The following PRR16 variants were observed in gnomAD, a reference collection of about 807,000 sequenced individuals.
The protein encoded by PRR16 is protein Largen.
PRR16 carries 6 observed loss-of-function variants against 18.2 expected under a neutral mutation model. The ratio of observed to expected loss-of-function variants is 0.33; its 90% CI spans 0.18 to 0.65. The LOEUF (loss-of-function observed/expected upper bound fraction) is 0.65. Ranked by LOEUF, PRR16 falls within the 30% of genes least tolerant of loss-of-function variation. The pLI is 0.74. For missense variants in PRR16, 412 were observed against 376.6 expected, an observed-to-expected ratio of 1.09 and a Z score of -0.78; for synonymous variants, 151 against 147.8, an observed-to-expected ratio of 1.02 and a Z score of -0.16.
In PRR16 at chr5:120,647,779, C is replaced by T. The variant is rs1755647477; in HGVS notation, c.160-38175C>T. On this transcript the variant is annotated intron_variant, in intron 1 of 1. Transcript: ENST00000407149. Reference sequence around the variant, plus strand: ...TTTGCATAAGTATCCACATGTCAAGCCTCATCTTCATGCCATTTACTAAAG... The same window carrying T: ...TTTGCATAAGTATCCACATGTCAAGTCTCATCTTCATGCCATTTACTAAAG... Among the ~76,000 whole-genome samples the T allele has an allele frequency of 2.0e-5, 3 of 151,998 alleles. No homozygotes were observed. In the South Asian group the frequency reaches 6.2e-4, roughly 32 times the overall value.
chr5:120,746,010 C>A, the PRR16 span, among the ~76,000 whole-genome samples: 1 of 151,924 alleles, frequency 6.6e-6, no homozygotes. Flanking sequence ...CCACGTGTGG[C>A]CTTTAGCCTT....
rs560581773 is a variant in PRR16, at chr5:120,522,430, C to G, written c.159+57785C>G. Among the ~76,000 whole-genome samples the G allele has an allele frequency of 7.5e-3, 1,147 of 152,244 alleles. 11 individuals carry two copies. The highest frequency in any genetic ancestry group is 0.026 in the African/African-American group (1,086 of 41,554). On this transcript the variant is annotated intron_variant, in intron 1 of 1. Transcript: ENST00000407149. ...CATTTCTCTGATGGCCAGTGATGAT[C>G]AGCATTTTTTCATGTGTCTGTTGAC...
intron 1 of PRR16, among the ~76,000 whole-genome samples, chr5:120,466,952 G>T (rs1364453360): frequency 6.6e-6 from 1 of 151,988 alleles, no homozygotes; most frequent in Non-Finnish European, 1.5e-5. Flanking sequence ...ACCTACAATG[G>T]CCAAATCCCA....
chr5:120,780,937 C>T, the PRR16 span, among the ~76,000 whole-genome samples: 1 of 152,090 alleles, frequency 6.6e-6, no homozygotes, highest in Admixed American at 6.5e-5. Flanking sequence ...GTAATCCCAG[C>T]TACTTGGGAG....
At chr5:120,553,291 G>C (rs1752311068) in intron 1 of PRR16, among the ~76,000 whole-genome samples, 1 of 151,780 alleles carries the variant, frequency 6.6e-6, no homozygotes, top group Admixed American at 6.6e-5. Context: ...ATTTTACAAA[G>C]GGTCTCATGT....
the PRR16 span, among the ~76,000 whole-genome samples, chr5:120,695,175 ATTTAT>A: frequency 9.2e-5 from 14 of 152,130 alleles, no homozygotes; most frequent in Admixed American, 5.2e-4. Context: ...ATTTGGATTG[ATTTAT>A]TTTATCTTTT....
chr5:120,594,623 GA>G (rs1753742869), intron 1 of PRR16, among the ~76,000 whole-genome samples: 1 of 151,962 alleles, frequency 6.6e-6, no homozygotes, highest in Admixed American at 6.6e-5. Context: ...AATTCATAAA[GA>G]ACAGAGCAAG....
intron 1 of PRR16, among the ~76,000 whole-genome samples, chr5:120,633,672 T>A (rs1487661424): frequency 6.6e-6 from 1 of 152,026 alleles, no homozygotes; most frequent in Non-Finnish European, 1.5e-5. Context: ...CAGGAAAATA[T>A]CACAATTCAA....
the PRR16 span, among the ~76,000 whole-genome samples, chr5:120,728,175 G>C: frequency 6.6e-6 from 1 of 151,926 alleles, no homozygotes; most frequent in Non-Finnish European, 1.5e-5. Flanking sequence ...AGTATTTACT[G>C]TAATTTGTTT....
At chr5:120,724,185 C>T in the PRR16 span, among the ~76,000 whole-genome samples, 1 of 152,018 alleles carries the variant, frequency 6.6e-6, no homozygotes, top group African/African-American at 2.4e-5. Flanking sequence ...TTACTTTCTC[C>T]TAAAACCCTA....
the PRR16 span, among the ~76,000 whole-genome samples, chr5:120,791,171 G>A: frequency 6.6e-6 from 1 of 152,128 alleles, no homozygotes; most frequent in African/African-American, 2.4e-5. Context: ...TGTATTGTTT[G>A]TAGTTGCTTA....
chr5:120,471,979 C>T (rs986814156), intron 1 of PRR16, among the ~76,000 whole-genome samples: 1 of 152,096 alleles, frequency 6.6e-6, no homozygotes, highest in Non-Finnish European at 1.5e-5. Flanking sequence ...AGAATTTAAA[C>T]TCCCAGACCT....
At chr5:120,529,816 T>C (rs149947152) in intron 1 of PRR16, among the ~76,000 whole-genome samples, 2,364 of 152,238 alleles carry the variant, frequency 0.016, 22 homozygotes, top group Middle Eastern at 0.13. Flanking sequence ...TGTCAAAGGA[T>C]CTAGTTACCA....
intron 1 of PRR16, among the ~76,000 whole-genome samples, chr5:120,559,016 G>C (rs1752497844): frequency 6.6e-6 from 1 of 151,764 alleles, no homozygotes; most frequent in Admixed American, 6.6e-5. Context: ...AGAGTTGTTT[G>C]AGCTCGTTTT....
the PRR16 span, among the ~76,000 whole-genome samples, chr5:120,770,372 A>G: frequency 0.71 from 108,130 of 151,804 alleles, 38,673 homozygotes; most frequent in East Asian, 0.86. Context: ...GTATCCACAT[A>G]TAGAAGAAGG....
chr5:120,670,791 G>A (rs2150146166), intron 1 of PRR16, among the ~76,000 whole-genome samples: 1 of 152,202 alleles, frequency 6.6e-6, no homozygotes, highest in Admixed American at 6.5e-5. Flanking sequence ...CCAAAGATGG[G>A]CTTTAGAGAT....
the PRR16 span, among the ~76,000 whole-genome samples, chr5:120,744,274 G>A: frequency 6.6e-6 from 1 of 152,160 alleles, no homozygotes; most frequent in South Asian, 2.1e-4. Context: ...AAACAAGACT[G>A]TAGTAAGGCA....
intron 1 of PRR16, among the ~76,000 whole-genome samples, chr5:120,535,303 A>C (rs1375026707): frequency 1.3e-5 from 2 of 152,122 alleles, no homozygotes; most frequent in Non-Finnish European, 2.9e-5. Flanking sequence ...TAGTAATTGG[A>C]ATTCTTGTGT....
the PRR16 span, among the ~76,000 whole-genome samples, chr5:120,740,134 A>G: frequency 1.3e-5 from 2 of 152,158 alleles, no homozygotes; most frequent in African/African-American, 4.8e-5. Flanking sequence ...TTGAATACTT[A>G]AGGGGCTTTG....
Sources: allele counts gnomAD v4.1 joint callset (sites outside exome capture counted in the v4.1 genomes callset), GRCh38; gene constraint gnomAD v4.1.1; transcripts MANE v1.5; gene names NCBI Gene and HGNC (gene_info 2026-07-23, HGNC 2026-07-21).